PDAP1: variants seen among roughly 807,000 people sequenced by gnomAD.
The protein encoded by PDAP1 is 28 kDa heat- and acid-stable phosphoprotein.
A neutral mutation model predicts 28.0 loss-of-function variants in PDAP1; 13 were observed. The observed-to-expected ratio is 0.46, with a 90% CI of 0.30 to 0.74. PDAP1 has a LOEUF of 0.74. PDAP1 is among the 30% of genes least tolerant of loss of function. PDAP1 has a pLI of 0.07. For missense variants in PDAP1, 150 were observed against 230.0 expected (o/e 0.65, Z 2.25); for synonymous variants, 77 against 85.1 (o/e 0.91, Z 0.52).
At position 99,395,419 on chromosome 7, in the gene PDAP1, G is replaced by A. The variant is rs765535148; in HGVS notation, c.*1263C>T. On this transcript the variant is annotated 3_prime_UTR_variant, in exon 6 of 6. Coordinates refer to ENST00000350498, the MANE Select transcript of PDAP1 (RefSeq NM_014891.7). ...ACCCACCTCACCTCCCAAAGTGCTGGGATTACAGGCATGAGCCACCATGCC... is the reference window on the plus strand; with the variant it reads ...ACCCACCTCACCTCCCAAAGTGCTGAGATTACAGGCATGAGCCACCATGCC... 1 of 152,138 alleles carries A rather than the reference G, an allele frequency of 6.6e-6. No homozygotes were observed. Among genetic ancestry groups the A allele is most frequent in the Non-Finnish European group, 1.5e-5 (1 of 68,054 alleles). The allele number at this position is 152,138 out of a possible 1,614,324, so 9.4% of individuals were successfully genotyped here.
At chr7:99,399,249 GA>G (rs1184554178) in intron 4 of PDAP1, among the ~76,000 whole-genome samples, 6 of 152,188 alleles carry the variant, frequency 3.9e-5, no homozygotes, top group African/African-American at 1.4e-4. Flanking sequence ...CAGAGCTGAG[GA>G]GATAATACCT....
rs779770167 is a variant in PDAP1, at chr7:99,404,844, G to A, written c.105+18C>T. 1.9e-6 allele frequency: 3 copies of A among 1,603,662 alleles called. No homozygotes were observed. The highest frequency in any genetic ancestry group is 4.5e-5 in the East Asian group (2 of 44,854). ...CCACCCTGGGCCACTGGCGTGGCCT[G>A]GACAGGCACGTACTCACCCTGGCCT... On this transcript the variant is annotated intron_variant, in intron 2 of 5. Transcript: ENST00000350498.
chr7:99,397,941 G>C lies in PDAP1; in HGVS notation c.408C>G (p.Ala136=). 4 of 1,614,218 alleles carry C rather than the reference G, an allele frequency of 2.5e-6. No individual in the cohort carries two copies. The highest frequency in any genetic ancestry group is 3.4e-6 in the Non-Finnish European group (4 of 1,180,040). Residue 136 remains alanine (A), a synonymous_variant, in exon 5 of 6, where the codon GCC becomes GCG. Coordinates refer to ENST00000350498, the MANE Select transcript of PDAP1 (RefSeq NM_014891.7). ...TGGCCAGCCGGGCCAGGTCAGCCTT[G>C]GCTTGCTCTGTCTTCCCGGCCAAGT... ...KMHLAGKTEQ[A]KADLARLAII... is the part of the protein sequence containing the mutation.
chr7:99,394,698 G>GA lies in PDAP1; in HGVS notation c.*1983dup, dbSNP rs57668352. ...TTTTTCTTAAATGCTTTCATTTATT[G>GA]AAAAAAAAAAAAAATGCCCCCAAAG... On this transcript the variant is annotated 3_prime_UTR_variant, in exon 6 of 6. Coordinates refer to ENST00000350498, the MANE Select transcript of PDAP1 (RefSeq NM_014891.7). 0.15 allele frequency: 170,223 copies of GA among 1,100,078 alleles called. 2,132 individuals are homozygous for GA. Among genetic ancestry groups the GA allele is most frequent in the East Asian group, 0.31 (9,483 of 30,136 alleles). 68.1% of individuals were successfully genotyped at this position (1,100,078 alleles called of 1,614,324 possible).
intron 3 of PDAP1, 56 bp from the exon 4 acceptor site, chr7:99,400,480 G>A: frequency 6.2e-7 from 1 of 1,606,140 alleles, no homozygotes; most frequent in Non-Finnish European, 8.5e-7. Context: ...AGCCCCTGAG[G>A]GCCACTCCTG....
rs1491118874 is a variant in PDAP1 at position 99,394,801 on chromosome 7, A to AAG, written c.*1880_*1881insCT. Reference sequence around the variant, plus strand: ...GTGTAAAAAAAAAAAAAAAAAAAAAAGTAATTATGGACATGCTTGCCTATG... The same window carrying AAG: ...GTGTAAAAAAAAAAAAAAAAAAAAAAAGGTAATTATGGACATGCTTGCCTATG... On this transcript the variant is annotated 3_prime_UTR_variant, in exon 6 of 6. Coordinates refer to ENST00000350498, the MANE Select transcript of PDAP1 (RefSeq NM_014891.7). 1.7e-6 allele frequency: 2 copies of AAG among 1,175,164 alleles called. No homozygotes were observed. Among genetic ancestry groups the AAG allele is most frequent in the Non-Finnish European group, 1.1e-6 (1 of 939,900 alleles). 72.8% of individuals were successfully genotyped at this position (1,175,164 alleles called of 1,614,324 possible).
intron 3 of PDAP1, among the ~76,000 whole-genome samples, chr7:99,403,151 A>G (rs1260305789): frequency 6.6e-6 from 1 of 152,172 alleles, no homozygotes; most frequent in Non-Finnish European, 1.5e-5. Context: ...ATCTCAGTTT[A>G]TAAGTTGCTT....
Position 99,404,937 on chromosome 7 carries a change from G to A in PDAP1, c.30C>T (p.His10=), listed in dbSNP as rs142948653. 6 of 1,613,688 alleles carry A rather than the reference G, an allele frequency of 3.7e-6. No individual in the cohort carries two copies. In the African/African-American group the frequency reaches 8.0e-5, roughly 22 times the overall value. ...TTGTATACTGCCTCGCCCGGCCTTTGTGGCCTCCCTTTCTTCCTGCAGAGA... is the reference window on the plus strand; with the variant it reads ...TTGTATACTGCCTCGCCCGGCCTTTATGGCCTCCCTTTCTTCCTGCAGAGA... MPKGGRKGG[H]KGRARQYTSP... is the part of the protein sequence containing the mutation. Residue 10 remains histidine, a synonymous_variant, in exon 2 of 6, where the codon CAC becomes CAT. Coordinates refer to ENST00000350498, the MANE Select transcript of PDAP1 (RefSeq NM_014891.7).
At chr7:99,398,090 G>A in intron 4 of PDAP1, 77 bp from the exon 5 acceptor site, 2 of 1,558,280 alleles carry the variant, frequency 1.3e-6, no homozygotes, top group East Asian at 2.3e-5. Context: ...CAGAATAAAG[G>A]CCAAGGATTC....
Position 99,404,970 on chromosome 7 carries a change from T to G in PDAP1, c.14-17A>C. On this transcript the variant is annotated splice_polypyrimidine_tract_variant and intron_variant, in intron 1 of 5. Transcript: ENST00000350498. ...CCTTTCTTCCTGCAGAGACCCGCAG[T>G]TTAGGTGAGCGGAAGCAGCTGCCTT... is the stretch of plus-strand genomic sequence containing the variant. 6.2e-7 allele frequency: 1 copy of G among 1,600,484 alleles called. No homozygotes were observed. Among genetic ancestry groups the G allele is most frequent in the Non-Finnish European group, 8.6e-7 (1 of 1,168,268 alleles).
chr7:99,408,378 C>G (rs937779666), intron 1 of PDAP1, among the ~76,000 whole-genome samples, 158 bp downstream of exon 1: 2 of 152,176 alleles, frequency 1.3e-5, no homozygotes, highest in East Asian at 1.9e-4. Flanking sequence ...GTTTCCCCAT[C>G]GGGACAATTG....
rs528227544 is a variant in PDAP1, at chr7:99,401,467, A to G, written c.214-1043T>C. ...CCTCAGCCTGAGTATTTGGGATTAC[A>G]GGCATGAACCACCACCCCCGACTAA... On this transcript the variant is annotated intron_variant, in intron 3 of 5. Transcript: ENST00000350498. 2.0e-5 allele frequency among the ~76,000 whole-genome samples: 3 copies of G among 151,768 alleles called. No individual in the cohort carries two copies. The East Asian group carries it at 5.9e-4, about 30-fold the overall frequency.
intron 2 of PDAP1, among the ~76,000 whole-genome samples, chr7:99,404,634 C>G (rs1794936456): frequency 6.6e-6 from 1 of 152,172 alleles, no homozygotes; most frequent in Non-Finnish European, 1.5e-5. Flanking sequence ...ACTAAAGCAG[C>G]TGCTGCAGAG....
chr7:99,401,636 A>G (rs1273716757), intron 3 of PDAP1, among the ~76,000 whole-genome samples: 1 of 151,684 alleles, frequency 6.6e-6, no homozygotes, highest in Non-Finnish European at 1.5e-5. Flanking sequence ...AGGATTTCTG[A>G]TCTGAACACT....
At chr7:99,405,493 G>A (rs548880402) in intron 1 of PDAP1, among the ~76,000 whole-genome samples, 120 of 152,138 alleles carry the variant, frequency 7.9e-4, no homozygotes, top group Non-Finnish European at 1.3e-3. Context: ...CCGAGTAGCT[G>A]GGACTACAGG....
Position 99,400,284 on chromosome 7 carries a change from G to A in PDAP1, c.335+19C>T, listed in dbSNP as rs1431045936. The A allele has an allele frequency of 6.2e-7, 1 of 1,612,520 alleles. No individual in the cohort carries two copies. Among genetic ancestry groups the A allele is most frequent in the East Asian group, 2.2e-5 (1 of 44,898 alleles). ...TGGCCTGTATTCCCCGTGACACAAG[G>A]CCCAGCCAGTGATGTTACCGTTCTC... is the stretch of plus-strand genomic sequence containing the variant. On this transcript the variant is annotated intron_variant, in intron 4 of 5. Transcript: ENST00000350498.
Position 99,396,689 on chromosome 7 carries a change from T to C in PDAP1, c.539A>G (p.Asn180Ser). The part of the protein sequence containing the change: ...SGKRMQSLSL[N>S]K The stretch of plus-strand genomic sequence containing the variant: ...TCCTCCCACGGGTCGCAGTTACTTA[T>C]TCAGGGAGAGTGACTGCATTCGTTT... Residue 180 changes from asparagine (N) to serine (S), a missense_variant, in exon 6 of 6, where the codon AAT becomes AGT. Coordinates refer to ENST00000350498, the MANE Select transcript of PDAP1 (RefSeq NM_014891.7). The C allele has an allele frequency of 6.2e-7, 1 of 1,611,650 alleles. No homozygotes were observed. The highest frequency in any genetic ancestry group is 8.5e-7 in the Non-Finnish European group (1 of 1,179,500).
At chr7:99,401,115 C>G (rs998294980) in intron 3 of PDAP1, among the ~76,000 whole-genome samples, 1 of 152,194 alleles carries the variant, frequency 6.6e-6, no homozygotes, top group Non-Finnish European at 1.5e-5. Context: ...CCACACACTT[C>G]CAGTCCAGCT....
intron 3 of PDAP1, among the ~76,000 whole-genome samples, chr7:99,400,696 C>A (rs909333120): frequency 2.0e-5 from 3 of 152,182 alleles, no homozygotes; most frequent in African/African-American, 2.4e-5. Context: ...CGCCCTACCC[C>A]GACTTGCAAG....
Sources: gnomAD v4.1 joint callset for allele counts (sites outside exome capture counted in the v4.1 genomes callset) on GRCh38, gnomAD v4.1.1 for gene constraint, MANE v1.5 for transcripts, NCBI Gene and HGNC (gene_info 2026-07-23, HGNC 2026-07-21) for gene names.